The following PLAC1 variants were observed in gnomAD, a reference collection of about 807,000 sequenced individuals.
PLAC1 encodes placenta-specific protein 1.
For synonymous variants in PLAC1, 68 were observed against 62.1 expected, an observed-to-expected ratio of 1.09 and a Z score of -0.44; for missense variants, 136 against 163.2, an observed-to-expected ratio of 0.83 and a Z score of 0.91.
intron 2 of PLAC1, among the ~76,000 whole-genome samples, chrX:134,573,437 G>A (rs749656869): frequency 2.7e-5 from 3 of 111,096 alleles, no homozygotes; most frequent in Admixed American, 9.6e-5. Flanking sequence ...TCAACTCCAC[G>A]GCAGCCACGG....
chrX:134,693,761 C>T (rs1439111351), intron 2 of PLAC1, among the ~76,000 whole-genome samples: 2 of 111,703 alleles, frequency 1.8e-5, no homozygotes, highest in African/African-American at 6.5e-5. Flanking sequence ...TTATTCTACT[C>T]AACAAGTTTT....
intron 1 of PLAC1, chrX:134,651,270 T>C: frequency 5.3e-6 from 1 of 189,409 alleles, no homozygotes; most frequent in Non-Finnish European, 1.1e-5. Context: ...CACTTGAAAC[T>C]GGATGGCAGC....
intron 1 of PLAC1, among the ~76,000 whole-genome samples, chrX:134,735,839 C>A (rs755836421): frequency 9.1e-6 from 1 of 109,461 alleles, no homozygotes; most frequent in African/African-American, 3.3e-5. Flanking sequence ...TATAGTATGT[C>A]TCTGGGCACC....
rs150352643 is a variant in PLAC1, at chrX:134,686,722, C to T, written n.174+46713G>A. On this transcript the variant is annotated intron_variant and non_coding_transcript_variant, in intron 2 of 2. Transcript: ENST00000466797. The stretch of plus-strand genomic sequence containing the variant: ...CTGCATTGGCCACCTGTACAGACTG[C>T]CATGTGTTCAGGGCCAGCGCCGAGG... 5.1e-3 allele frequency among the ~76,000 whole-genome samples: 565 copies of T among 111,749 alleles called. 2 individuals are homozygous for T. The highest frequency in any genetic ancestry group is 0.017 in the African/African-American group (511 of 30,797).
intron 2 of PLAC1, among the ~76,000 whole-genome samples, chrX:134,729,896 A>T (rs2078683844): frequency 9.1e-6 from 1 of 110,180 alleles, no homozygotes; most frequent in Non-Finnish European, 1.9e-5. Flanking sequence ...GGTTCAAGTG[A>T]TTCTCCTGCC....
intron 1 of PLAC1, among the ~76,000 whole-genome samples, chrX:134,616,568 A>G (rs2078181668): frequency 9.2e-6 from 1 of 109,283 alleles, no homozygotes; most frequent in African/African-American, 3.3e-5. Flanking sequence ...CCCGGGAGGC[A>G]GAGCTTGCAG....
intron 2 of PLAC1, among the ~76,000 whole-genome samples, chrX:134,696,429 A>G (rs1213517085): frequency 8.9e-6 from 1 of 112,022 alleles, no homozygotes. Flanking sequence ...TTATTCAAAA[A>G]ACATAATCCA....
chrX:134,669,012 C>T (rs1360510407), intron 2 of PLAC1, among the ~76,000 whole-genome samples: 3 of 112,581 alleles, frequency 2.7e-5, no homozygotes, highest in Non-Finnish European at 5.6e-5. Flanking sequence ...GTGGGGCCTT[C>T]GGCATTGTTC....
intron 1 of PLAC1, among the ~76,000 whole-genome samples, chrX:134,639,572 A>G (rs1371356444): frequency 8.9e-6 from 1 of 112,190 alleles, no homozygotes; most frequent in Admixed American, 9.4e-5. Context: ...TCCAAAGTAA[A>G]ATAATTAACT....
chrX:134,617,660 G>A (rs1001645552), intron 1 of PLAC1, among the ~76,000 whole-genome samples: 3 of 111,611 alleles, frequency 2.7e-5, no homozygotes, highest in Non-Finnish European at 5.6e-5. Context: ...AACTCACCTT[G>A]CATCCCAGGG....
intron 2 of PLAC1, among the ~76,000 whole-genome samples, chrX:134,732,631 A>G (rs2078692038): frequency 8.9e-6 from 1 of 112,123 alleles, no homozygotes; most frequent in African/African-American, 3.2e-5. Context: ...CAAAGCAATG[A>G]CTGAGGTTTG....
rs774532925 is a variant in PLAC1, at chrX:134,652,269, T to C, written c.-131+6059A>G. 2.7e-5 allele frequency among the ~76,000 whole-genome samples: 3 copies of C among 112,200 alleles called. No homozygotes were observed. In the East Asian group the frequency reaches 8.4e-4, roughly 31 times the overall value. On this transcript the variant is annotated intron_variant, in intron 1 of 2. Coordinates refer to ENST00000359237, the MANE Select transcript of PLAC1 (RefSeq NM_021796.4). The stretch of plus-strand genomic sequence containing the variant: ...GGCAAGTCACGTGGCTCAAATAGGA[T>C]GGATAGTTGGTAGGCTGCCCTTTTC...
At chrX:134,577,505 A>G (rs745790019) in intron 2 of PLAC1, among the ~76,000 whole-genome samples, 6 of 111,658 alleles carry the variant, frequency 5.4e-5, no homozygotes, top group Non-Finnish European at 1.1e-4. Flanking sequence ...CCTGGCCAAC[A>G]TGGTGAAGCC....
intron 1 of PLAC1, among the ~76,000 whole-genome samples, chrX:134,747,974 T>C (rs2078732783): frequency 8.9e-6 from 1 of 111,863 alleles, no homozygotes; most frequent in Non-Finnish European, 1.9e-5. Flanking sequence ...GTGACAAAAT[T>C]GGCCTTAGAT....
chrX:134,637,520 T>C (rs181422558), intron 1 of PLAC1, among the ~76,000 whole-genome samples: 3 of 111,958 alleles, frequency 2.7e-5, no homozygotes, highest in Non-Finnish European at 5.6e-5. Context: ...AGTTTAGAGA[T>C]AGTAAAGGGT....
intron 2 of PLAC1, among the ~76,000 whole-genome samples, chrX:134,676,639 G>A (rs2078476395): frequency 8.9e-6 from 1 of 112,360 alleles, no homozygotes; most frequent in Non-Finnish European, 1.9e-5. Flanking sequence ...CCTTTACAGA[G>A]CACAGAATGA....
chrX:134,680,387 C>T (rs1261643905), intron 2 of PLAC1, among the ~76,000 whole-genome samples: 1 of 111,323 alleles, frequency 9.0e-6, no homozygotes, highest in Non-Finnish European at 1.9e-5. Context: ...CTCTATCACA[C>T]TGGCTGTCAC....
intron 2 of PLAC1, among the ~76,000 whole-genome samples, chrX:134,730,207 G>A (rs2078684784): frequency 8.9e-6 from 1 of 112,082 alleles, no homozygotes; most frequent in Admixed American, 9.5e-5. Flanking sequence ...AAAGGTGTGA[G>A]CTTGCACACT....
chrX:134,718,582 G>T (rs1442894815), intron 2 of PLAC1, among the ~76,000 whole-genome samples: 1 of 111,768 alleles, frequency 8.9e-6, no homozygotes, highest in African/African-American at 3.3e-5. Context: ...AGTTAGTAAG[G>T]CTTGCAGGCA....
Sources: gnomAD v4.1 joint callset for allele counts (sites outside exome capture counted in the v4.1 genomes callset) on GRCh38, gnomAD v4.1.1 for gene constraint, MANE v1.5 for transcripts, NCBI Gene and HGNC (gene_info 2026-07-23, HGNC 2026-07-21) for gene names.